TRAM2: variants seen among roughly 807,000 people sequenced by gnomAD.
The protein encoded by TRAM2 is translocating chain-associated membrane protein 2.
TRAM2 carries 12 observed loss-of-function variants against 51.0 expected under a neutral mutation model. The ratio of observed to expected loss-of-function variants is 0.24; its 90% CI spans 0.15 to 0.38. TRAM2 has a LOEUF of 0.38. TRAM2 is among the 10% of genes least tolerant of loss of function. The pLI, the probability that TRAM2 is intolerant of heterozygous loss-of-function variation, is 1.00. For synonymous variants in TRAM2, 175 were observed against 179.4 expected, an observed-to-expected ratio of 0.98 and a Z score of 0.20; for missense variants, 361 against 462.0, an observed-to-expected ratio of 0.78 and a Z score of 2.00.
chr6:52,505,102 T>C lies in TRAM2; in HGVS notation c.876-348A>G, dbSNP rs2076631. 3.7e-3 allele frequency among the ~76,000 whole-genome samples: 571 copies of C among 152,312 alleles called. 20 individuals are homozygous for C. In the East Asian group the frequency reaches 0.084, roughly 23 times the overall value. ...AAGACTAATGTAAGCTCCACAAATA[T>C]TGGTAGCATTCAAATGAACTGAATT... On this transcript the variant is annotated intron_variant, in intron 9 of 10. Coordinates refer to ENST00000182527, the MANE Select transcript of TRAM2 (RefSeq NM_012288.4).
intron 1 of TRAM2, among the ~76,000 whole-genome samples, chr6:52,555,559 G>A (rs544654800): frequency 6.6e-5 from 10 of 152,064 alleles, no homozygotes; most frequent in East Asian, 1.9e-4. Context: ...ACATCCAAAC[G>A]TTTACAGAAA....
At chr6:52,538,024 C>T (rs1767005849) in intron 1 of TRAM2, among the ~76,000 whole-genome samples, 1 of 152,182 alleles carries the variant, frequency 6.6e-6, no homozygotes, top group Admixed American at 6.5e-5. Flanking sequence ...CTCTGAACTC[C>T]ACTCATATAG....
Position 52,576,959 on chromosome 6 carries a change from C to A in TRAM2, c.-44G>T. The A allele has an allele frequency of 6.4e-7, 1 of 1,556,374 alleles. No homozygotes were observed. Among genetic ancestry groups the A allele is most frequent in the Non-Finnish European group, 8.7e-7 (1 of 1,154,106 alleles). On this transcript the variant is annotated 5_prime_UTR_variant, in exon 1 of 11. Coordinates refer to ENST00000182527, the MANE Select transcript of TRAM2 (RefSeq NM_012288.4). Reference sequence around the variant, plus strand: ...GCCGGCGGGGCCCGCACCCTGCGCTCACGAACCGCAGCGCAAACTTCTCCA... The same window carrying A: ...GCCGGCGGGGCCCGCACCCTGCGCTAACGAACCGCAGCGCAAACTTCTCCA...
chr6:52,570,394 C>T (rs1767656192), intron 1 of TRAM2, among the ~76,000 whole-genome samples: 2 of 152,144 alleles, frequency 1.3e-5, no homozygotes, highest in Admixed American at 1.3e-4. Context: ...AAACAGATTC[C>T]ACTCAGACAA....
chr6:52,535,866 A>G lies in TRAM2; in HGVS notation c.121-20T>C. ...TGTGACCTGTAAAACAAAGGAAAAG[A>G]GTTCCAGTTTAGCTTTTGGCCACAT... On this transcript the variant is annotated intron_variant, in intron 1 of 10. Transcript: ENST00000182527. The G allele has an allele frequency of 1.2e-6, 2 of 1,611,238 alleles. No individual in the cohort carries two copies. Among genetic ancestry groups the G allele is most frequent in the Non-Finnish European group, 1.7e-6 (2 of 1,178,092 alleles).
At chr6:52,550,445 C>T (rs1015903833) in intron 1 of TRAM2, among the ~76,000 whole-genome samples, 10 of 152,208 alleles carry the variant, frequency 6.6e-5, no homozygotes, top group African/African-American at 2.4e-4. Flanking sequence ...CCTGTTGGGA[C>T]TCTGACTGAT....
At chr6:52,509,356 A>C (rs956352673) in intron 5 of TRAM2, among the ~76,000 whole-genome samples, 172 bp downstream of exon 5, 4 of 152,222 alleles carry the variant, frequency 2.6e-5, no homozygotes, top group African/African-American at 9.6e-5. Context: ...TCTCTGGTCA[A>C]GCATGCTGAG....
chr6:52,530,826 G>A (rs940760249), intron 2 of TRAM2, among the ~76,000 whole-genome samples: 6 of 152,086 alleles, frequency 3.9e-5, no homozygotes, highest in Non-Finnish European at 7.4e-5. Flanking sequence ...TTGTTACACC[G>A]GCCCTAGGAA....
intron 2 of TRAM2, chr6:52,524,098 A>C (rs961002719): frequency 1.3e-5 from 2 of 152,244 alleles, no homozygotes; most frequent in Non-Finnish European, 2.9e-5. Context: ...TGTAACTGAG[A>C]GATTTATGAA....
At chr6:52,552,849 C>T (rs1295162250) in intron 1 of TRAM2, among the ~76,000 whole-genome samples, 1 of 152,216 alleles carries the variant, frequency 6.6e-6, no homozygotes, top group East Asian at 1.9e-4. Context: ...AAGCTCTATA[C>T]TTGCCTATGT....
Position 52,535,808 on chromosome 6 carries a change from C to G in TRAM2, c.159G>C (p.Gln53His). The G allele has an allele frequency of 6.2e-7, 1 of 1,613,964 alleles. No individual in the cohort carries two copies. The highest frequency in any genetic ancestry group is 8.5e-7 in the Non-Finnish European group (1 of 1,179,906). The stretch of plus-strand genomic sequence containing the variant: ...CTGCTGTAGGCACGCTAATGTTATA[C>G]TGAGGTAAAATAAATAGAAAGGCAG... ...AKTAFLFILP[Q>H]YNISVPTADS... is the part of the protein sequence containing the mutation. The change falls in exon 2 of 11, where the codon CAG becomes CAC. Residue 53 changes from glutamine (Q) to histidine (H), a missense_variant. Physicochemically the swap from Gln to His is conservative, Grantham distance 24 (BLOSUM62 0). Transcript: ENST00000182527.
Position 52,503,064 on chromosome 6 carries a change from C to T in TRAM2, c.*133G>A, listed in dbSNP as rs886676341. On this transcript the variant is annotated 3_prime_UTR_variant, in exon 11 of 11. Transcript: ENST00000182527. ...AAGGAAAGCGAAACGCCCCCTCCCC[C>T]CATTGCAAGACAGGTTTCGGCTGTT... 1.7e-5 allele frequency: 13 copies of T among 749,138 alleles called. No individual in the cohort carries two copies. In the Admixed American group the frequency reaches 2.4e-4, roughly 14 times the overall value. The allele number at this position is 749,138 out of a possible 1,614,324, so 46.4% of individuals were successfully genotyped here. A position where few individuals can be genotyped will look rare whatever the true frequency, so the allele number is the denominator to read the frequency against.
In TRAM2 at chr6:52,542,467, G is replaced by C. The variant is rs183222178; in HGVS notation, c.121-6621C>G. Among the ~76,000 whole-genome samples, 15 of 152,232 alleles carry C rather than the reference G, an allele frequency of 9.9e-5. No individual in the cohort carries two copies. In the East Asian group the frequency reaches 2.9e-3, roughly 29 times the overall value. ...TGTGCTTTCTGAAAATCTCCGTTTT[G>C]AAGGGCCAGAGGCTGTCTGTGAGGG... is the stretch of plus-strand genomic sequence containing the variant. On this transcript the variant is annotated intron_variant, in intron 1 of 10. Coordinates refer to ENST00000182527, the MANE Select transcript of TRAM2 (RefSeq NM_012288.4).
intron 1 of TRAM2, among the ~76,000 whole-genome samples, chr6:52,554,562 C>T (rs1283016840): frequency 6.8e-6 from 1 of 147,996 alleles, no homozygotes; most frequent in Non-Finnish European, 1.5e-5. Flanking sequence ...CCAAAGTGAA[C>T]AGATCTCACC....
intron 1 of TRAM2, among the ~76,000 whole-genome samples, chr6:52,547,177 GC>G (rs1767219167): frequency 6.6e-6 from 1 of 152,180 alleles, no homozygotes; most frequent in African/African-American, 2.4e-5. Context: ...TGCGGGAGAA[GC>G]TTAGACCACG....
At chr6:52,570,107 CA>C (rs1397105169) in intron 1 of TRAM2, among the ~76,000 whole-genome samples, 1 of 152,182 alleles carries the variant, frequency 6.6e-6, no homozygotes, top group Non-Finnish European at 1.5e-5. Context: ...TTATAAAATA[CA>C]AAGCAAAGAT....
chr6:52,562,644 T>C (rs1283464383), intron 1 of TRAM2, among the ~76,000 whole-genome samples: 1 of 152,182 alleles, frequency 6.6e-6, no homozygotes, highest in African/African-American at 2.4e-5. Context: ...CATGCCATGG[T>C]GGTTTGCTGC....
At chr6:52,506,004 C>A (rs763364140) in intron 8 of TRAM2, 28 bp downstream of exon 8, 2 of 1,606,654 alleles carry the variant, frequency 1.2e-6, no homozygotes, top group Non-Finnish European at 1.7e-6. Context: ...GGCCTCTAAG[C>A]GGGCCAGCCT....
intron 1 of TRAM2, among the ~76,000 whole-genome samples, chr6:52,574,298 C>T (rs543920021): frequency 2.8e-4 from 42 of 152,282 alleles, no homozygotes; most frequent in African/African-American, 9.6e-4. Flanking sequence ...GTATCCAGGA[C>T]GCTTCTGCTC....
Sources: gnomAD v4.1 joint callset for allele counts (sites outside exome capture counted in the v4.1 genomes callset) on GRCh38, gnomAD v4.1.1 for gene constraint, MANE v1.5 for transcripts, NCBI Gene and HGNC (gene_info 2026-07-23, HGNC 2026-07-21) for gene names.